Variants in COL5A2 observed in about 807,000 individuals in gnomAD.
COL5A2 encodes the protein collagen alpha-2(V) chain.
In COL5A2, 23 loss-of-function variants were observed where a neutral mutation model predicts 208.2. That is an observed-to-expected ratio of 0.11 (90% confidence interval 0.08 to 0.16). COL5A2 has a LOEUF of 0.16. COL5A2 is among the 10% of genes least tolerant of loss of function. COL5A2 has a pLI of 1.00. For missense variants in COL5A2, 1,590 were observed against 1,956.4 expected (o/e 0.81, Z 3.53); for synonymous variants, 625 against 628.5 (o/e 0.99, Z 0.08).
chr2:189,077,259 A>AT (rs1413903807), intron 16 of COL5A2, among the ~76,000 whole-genome samples: 1 of 152,046 alleles, frequency 6.6e-6, no homozygotes, highest in Non-Finnish European at 1.5e-5. Flanking sequence ...ACTACTCCTG[A>AT]TTTTTTAAAA....
chr2:189,375,372 T>A, the COL5A2 span, among the ~76,000 whole-genome samples: 2 of 152,198 alleles, frequency 1.3e-5, no homozygotes, highest in African/African-American at 4.8e-5. Flanking sequence ...TTCATAAATA[T>A]ATTTTGCTAG....
chr2:189,199,212 G>A (rs1689042029), intron 1 of COL5A2, among the ~76,000 whole-genome samples: 1 of 151,954 alleles, frequency 6.6e-6, no homozygotes, highest in African/African-American at 2.4e-5. Flanking sequence ...AGCAACACTG[G>A]CCACTTTATT....
chr2:189,096,621 CAAAAAAA>C (rs777945216), intron 6 of COL5A2, among the ~76,000 whole-genome samples: 1 of 71,134 alleles, frequency 1.4e-5, no homozygotes, highest in Non-Finnish European at 2.9e-5. Flanking sequence ...GACTCCGTCT[CAAAAAAA>C]AAAAAAAAAA....
chr2:189,187,412 T>C (rs13006065), intron 1 of COL5A2, among the ~76,000 whole-genome samples: 119,217 of 152,118 alleles, frequency 0.78, 49,185 homozygotes, highest in Non-Finnish European at 0.91. Flanking sequence ...CAGACAGAGT[T>C]TAAATGCTGG....
intron 1 of COL5A2, among the ~76,000 whole-genome samples, 185 bp downstream of exon 1, chr2:189,179,323 T>C (rs1323710205): frequency 6.6e-6 from 1 of 152,220 alleles, no homozygotes; most frequent in African/African-American, 2.4e-5. Flanking sequence ...ACGGTGGATC[T>C]AGAAGCTCCG....
At chr2:189,311,332 G>T in the COL5A2 span, 1 of 1,033,954 alleles carries the variant, frequency 9.7e-7, no homozygotes, top group Non-Finnish European at 1.5e-6. Context: ...AGGTGGTGGT[G>T]TTTTGGATGG....
chr2:189,249,230 G>A, the COL5A2 span, among the ~76,000 whole-genome samples: 2 of 152,170 alleles, frequency 1.3e-5, no homozygotes, highest in East Asian at 1.9e-4. Context: ...GACCAAAATA[G>A]ACAAAATAGA....
the COL5A2 span, among the ~76,000 whole-genome samples, chr2:189,296,910 T>C: frequency 4.9e-4 from 74 of 152,230 alleles, no homozygotes; most frequent in Admixed American, 1.6e-3. Flanking sequence ...ATGATTTCCC[T>C]CTTTGGCTTC....
chr2:189,313,852 A>G, the COL5A2 span, among the ~76,000 whole-genome samples: 1 of 152,246 alleles, frequency 6.6e-6, no homozygotes, highest in Non-Finnish European at 1.5e-5. Flanking sequence ...GAAGAAGGGC[A>G]TTACATAATG....
At chr2:189,081,640 A>G (rs1427495674) in intron 12 of COL5A2, among the ~76,000 whole-genome samples, 2 of 152,184 alleles carry the variant, frequency 1.3e-5, no homozygotes, top group African/African-American at 4.8e-5. Flanking sequence ...ATGATTATTT[A>G]AAAAACTAAA....
At chr2:189,144,018 CAGATCTTT>C (rs1687990342) in intron 1 of COL5A2, among the ~76,000 whole-genome samples, 1 of 151,906 alleles carries the variant, frequency 6.6e-6, no homozygotes, top group South Asian at 2.1e-4. Flanking sequence ...ATCTGTTTCC[CAGATCTTT>C]AGAGGAGGAA....
the COL5A2 span, among the ~76,000 whole-genome samples, chr2:189,296,793 C>T: frequency 6.6e-6 from 1 of 152,182 alleles, no homozygotes; most frequent in Non-Finnish European, 1.5e-5. Flanking sequence ...CTTTTCAAAC[C>T]TTCAGCTGTT....
At position 189,039,494 on chromosome 2, in the gene COL5A2, C is replaced by G; in HGVS notation, c.3703G>C (p.Asp1235His). ...CTTTCATCATAGTGCCCCATGATAT[C>G]CCCAAGAGCAGCTGTAAGGTGGCCA... Reference protein sequence around the residue: ...PPGHLTAALGDIMGHYDESMP... With the variant: ...PPGHLTAALGHIMGHYDESMP... The change falls in exon 51 of 54, where the codon GAT becomes CAT. Residue 1235 changes from aspartate (D) to histidine (H), a missense_variant. Physicochemically the swap from Asp to His is moderately conservative, Grantham distance 81. Transcript: ENST00000374866. 1.2e-6 allele frequency: 2 copies of G among 1,613,990 alleles called. No homozygotes were observed. Among genetic ancestry groups the G allele is most frequent in the Non-Finnish European group, 1.7e-6 (2 of 1,179,980 alleles).
chr2:189,286,810 A>C, the COL5A2 span, among the ~76,000 whole-genome samples: 1 of 152,192 alleles, frequency 6.6e-6, no homozygotes, highest in East Asian at 1.9e-4. Flanking sequence ...AAAATCTTAG[A>C]ATGTCTATTT....
chr2:189,148,676 A>C (rs1261116969), intron 1 of COL5A2, among the ~76,000 whole-genome samples: 1 of 152,228 alleles, frequency 6.6e-6, no homozygotes, highest in Non-Finnish European at 1.5e-5. Flanking sequence ...TAAACCTAGG[A>C]ATGCATATTC....
intron 1 of COL5A2, among the ~76,000 whole-genome samples, chr2:189,184,988 A>G (rs896666329): frequency 1.3e-5 from 2 of 152,088 alleles, no homozygotes; most frequent in Non-Finnish European, 2.9e-5. Context: ...AAATCAACAA[A>G]GCGTTGTTAT....
intron 1 of COL5A2, among the ~76,000 whole-genome samples, chr2:189,114,198 T>C (rs1687341629): frequency 6.6e-6 from 1 of 152,190 alleles, no homozygotes; most frequent in Non-Finnish European, 1.5e-5. Context: ...CCTTGTCTTC[T>C]CTTCACTCAG....
At chr2:189,095,580 G>C (rs553137800) in intron 6 of COL5A2, among the ~76,000 whole-genome samples, 4 of 151,826 alleles carry the variant, frequency 2.6e-5, no homozygotes, top group Admixed American at 2.0e-4. Context: ...GCCTAACCAA[G>C]ACAGGAAATT....
At chr2:189,369,700 A>ATTTCTAAGAAAT in the COL5A2 span, among the ~76,000 whole-genome samples, 1 of 152,182 alleles carries the variant, frequency 6.6e-6, no homozygotes, top group African/African-American at 2.4e-5. Flanking sequence ...CTCTTGAGTC[A>ATTTCTAAGAAAT]TTTCTAAGAA....
Sources: allele counts gnomAD v4.1 joint callset (sites outside exome capture counted in the v4.1 genomes callset), GRCh38; gene constraint gnomAD v4.1.1; transcripts MANE v1.5; gene names NCBI Gene and HGNC (gene_info 2026-07-23, HGNC 2026-07-21).